ARHGAP24: variants seen among roughly 807,000 people sequenced by gnomAD.
ARHGAP24 encodes Rho GTPase activating protein 24.
ARHGAP24 carries 50 observed loss-of-function variants against 76.4 expected under a neutral mutation model. The ratio of observed to expected loss-of-function variants is 0.65; its 90% confidence interval spans 0.52 to 0.83. The LOEUF (loss-of-function observed/expected upper bound fraction) is 0.83, where lower values mean the gene tolerates loss of function less well. ARHGAP24 is among the 40% of genes least tolerant of loss of function. ARHGAP24 has a pLI of 0.00. For missense variants in ARHGAP24, 930 were observed against 914.2 expected (o/e 1.02, Z -0.22); for synonymous variants, 345 against 323.3 (o/e 1.07, Z -0.72).
chr4:85,849,459 C>T (rs1731091245), intron 3 of ARHGAP24, among the ~76,000 whole-genome samples: 2 of 152,176 alleles, frequency 1.3e-5, no homozygotes, highest in Non-Finnish European at 2.9e-5. Flanking sequence ...TGCCTGATTG[C>T]CCTGGCCAGA....
intron 2 of ARHGAP24, among the ~76,000 whole-genome samples, chr4:85,676,451 CTG>C (rs1321768566): frequency 1.1e-4 from 16 of 152,278 alleles, no homozygotes; most frequent in African/African-American, 3.9e-4. Context: ...CCCCCGGAAA[CTG>C]TATTTACATC....
intron 3 of ARHGAP24, among the ~76,000 whole-genome samples, chr4:85,780,447 C>T (rs184330980): frequency 2.6e-5 from 4 of 152,318 alleles, no homozygotes; most frequent in African/African-American, 9.6e-5. Context: ...GCTGGGATTA[C>T]AAACGTGAGC....
chr4:85,648,737 G>T (rs994387919), intron 2 of ARHGAP24, among the ~76,000 whole-genome samples: 2 of 152,032 alleles, frequency 1.3e-5, no homozygotes, highest in Non-Finnish European at 2.9e-5. Flanking sequence ...AAATGTCTCC[G>T]TTTGTAAAAT....
rs1249092856 is a variant in ARHGAP24, at chr4:85,509,551, G to A, written c.-21+33992G>A. Among the ~76,000 whole-genome samples, 21 of 152,042 alleles carry A rather than the reference G, an allele frequency of 1.4e-4. No homozygotes were observed. In the East Asian group the frequency reaches 3.5e-3, roughly 25 times the overall value. ...AAATATTTTTCTAGCACAGAAAGTT[G>A]AAATGATACCTAATGAACCATTTGT... On this transcript the variant is annotated intron_variant, in intron 1 of 9. Coordinates refer to ENST00000395184, the MANE Select transcript of ARHGAP24 (RefSeq NM_001025616.3).
At chr4:85,868,411 T>A (rs1263628236) in intron 3 of ARHGAP24, among the ~76,000 whole-genome samples, 1 of 152,116 alleles carries the variant, frequency 6.6e-6, no homozygotes, top group Non-Finnish European at 1.5e-5. Flanking sequence ...CAGGAAAAGA[T>A]CTGGCAAGGG....
intron 2 of ARHGAP24, among the ~76,000 whole-genome samples, chr4:85,695,724 C>T (rs1006097361): frequency 6.6e-6 from 1 of 152,150 alleles, no homozygotes; most frequent in East Asian, 1.9e-4. Flanking sequence ...TTCAAATTAA[C>T]TAATATGAGT....
intron 1 of ARHGAP24, among the ~76,000 whole-genome samples, chr4:85,541,442 C>G (rs1389915517): frequency 8.3e-6 from 1 of 121,018 alleles, no homozygotes; most frequent in East Asian, 2.0e-4. Flanking sequence ...CGTGAGCCAC[C>G]GCGCCCGGCC....
chr4:85,972,837 TG>T (rs1203277254), intron 6 of ARHGAP24, among the ~76,000 whole-genome samples: 1 of 152,216 alleles, frequency 6.6e-6, no homozygotes, highest in Non-Finnish European at 1.5e-5. Flanking sequence ...AATCATTCAA[TG>T]TTTTTTTGGT....
chr4:85,900,281 T>G (rs10023559), intron 3 of ARHGAP24, among the ~76,000 whole-genome samples: 98,334 of 152,022 alleles, frequency 0.65, 32,591 homozygotes, highest in East Asian at 0.99. Context: ...ATTCAGGGAG[T>G]ATCTGACAGT....
intron 5 of ARHGAP24, among the ~76,000 whole-genome samples, chr4:85,945,349 G>C (rs1463866435): frequency 2.6e-5 from 4 of 152,062 alleles, no homozygotes; most frequent in Non-Finnish European, 5.9e-5. Context: ...CACCATGTTG[G>C]CCAGGCTGGT....
intron 2 of ARHGAP24, among the ~76,000 whole-genome samples, chr4:85,718,163 C>T (rs531112751): frequency 6.6e-6 from 1 of 152,016 alleles, no homozygotes; most frequent in Non-Finnish European, 1.5e-5. Context: ...TTCTTTACAA[C>T]ATAAAATGTT....
chr4:85,936,731 C>A (rs1444888663), intron 4 of ARHGAP24, among the ~76,000 whole-genome samples: 4 of 152,040 alleles, frequency 2.6e-5, no homozygotes, highest in Admixed American at 2.0e-4. Context: ...GGGGATGAGG[C>A]AATGGAATGT....
chr4:85,552,966 G>A (rs983417382), intron 1 of ARHGAP24, among the ~76,000 whole-genome samples: 15 of 152,062 alleles, frequency 9.9e-5, no homozygotes, highest in Non-Finnish European at 2.1e-4. Flanking sequence ...GAATGAAGCC[G>A]CAGACCCTTG....
intron 4 of ARHGAP24, among the ~76,000 whole-genome samples, chr4:85,935,836 C>A (rs1413482151): frequency 6.6e-6 from 1 of 152,098 alleles, no homozygotes; most frequent in Non-Finnish European, 1.5e-5. Context: ...CTTTCTTAAT[C>A]CTTCCTAGCA....
At chr4:85,908,801 A>G (rs1032231178) in intron 3 of ARHGAP24, among the ~76,000 whole-genome samples, 1 of 152,144 alleles carries the variant, frequency 6.6e-6, no homozygotes, top group Non-Finnish European at 1.5e-5. Context: ...TCAGGGAAGT[A>G]CATACAGATA....
chr4:85,564,454 A>G (rs751761655), intron 1 of ARHGAP24, among the ~76,000 whole-genome samples: 3 of 76,428 alleles, frequency 3.9e-5, no homozygotes, highest in South Asian at 5.3e-4. Flanking sequence ...TGACGAGTTA[A>G]TGGGTGCAGC....
intron 3 of ARHGAP24, among the ~76,000 whole-genome samples, chr4:85,889,363 A>G (rs983830297): frequency 6.6e-6 from 1 of 152,196 alleles, no homozygotes; most frequent in African/African-American, 2.4e-5. Flanking sequence ...ACAAATTGTA[A>G]ATTTATAAAC....
intron 3 of ARHGAP24, among the ~76,000 whole-genome samples, chr4:85,871,167 C>T (rs1200900146): frequency 2.0e-5 from 3 of 152,162 alleles, no homozygotes; most frequent in Middle Eastern, 3.4e-3. Flanking sequence ...AATTGTTTTA[C>T]ATTACTCTCT....
chr4:85,724,921 G>A (rs953614770), intron 3 of ARHGAP24, among the ~76,000 whole-genome samples: 1 of 152,124 alleles, frequency 6.6e-6, no homozygotes, highest in African/African-American at 2.4e-5. Context: ...ATTTTAGACT[G>A]AAGTGAACTA....
Sources: allele counts gnomAD v4.1 joint callset (sites outside exome capture counted in the v4.1 genomes callset), GRCh38; gene constraint gnomAD v4.1.1; transcripts MANE v1.5; gene names NCBI Gene and HGNC (gene_info 2026-07-23, HGNC 2026-07-21).